Variants in NGEF observed in about 807,000 individuals in gnomAD.
NGEF encodes the protein neuronal guanine nucleotide exchange factor.
Under a neutral mutation model 80.9 loss-of-function variants are expected in NGEF, and 31 were observed. That is an observed-to-expected ratio of 0.38 (90% confidence interval 0.29 to 0.52). The LOEUF (loss-of-function observed/expected upper bound fraction) is 0.52, where lower values mean the gene tolerates loss of function less well. NGEF is among the 20% of genes least tolerant of loss of function. NGEF has a pLI of 0.84. For synonymous variants in NGEF, 371 were observed against 370.2 expected (o/e 1.00, Z -0.03); for missense variants, 709 against 926.2 (o/e 0.77, Z 3.04).
At chr2:232,947,239 C>T (rs1207907734) in intron 3 of NGEF, among the ~76,000 whole-genome samples, 1 of 152,188 alleles carries the variant, frequency 6.6e-6, no homozygotes, top group African/African-American at 2.4e-5. Context: ...GACATGAATG[C>T]CTTTAGATGG....
chr2:232,916,970 G>A (rs945865376), intron 5 of NGEF, among the ~76,000 whole-genome samples: 1 of 152,218 alleles, frequency 6.6e-6, no homozygotes, highest in Non-Finnish European at 1.5e-5. Context: ...TCCACCAGGC[G>A]CTCAGGGCAG....
At position 232,879,503 on chromosome 2, in the gene NGEF, G is replaced by T. The variant is rs145959108; in HGVS notation, c.2119C>A (p.Arg707=). 3 of 1,603,986 alleles carry T rather than the reference G, an allele frequency of 1.9e-6. No homozygotes were observed. Among genetic ancestry groups the T allele is most frequent in the Non-Finnish European group, 1.7e-6 (2 of 1,172,924 alleles). ...QNKDRRKLGS[R]NRQ is the part of the protein sequence containing the mutation. The stretch of plus-strand genomic sequence containing the variant: ...CTGGGTGGGGGTCATTGCCGATTCC[G>T]GCTGCCCAGCTTCCTGCGGTCCTTG... Residue 707 remains arginine, a synonymous_variant, in exon 15 of 15, where the codon CGG becomes AGG. Transcript: ENST00000264051.
At chr2:232,913,306 G>A (rs1039967497) in intron 5 of NGEF, among the ~76,000 whole-genome samples, 1 of 152,230 alleles carries the variant, frequency 6.6e-6, no homozygotes, top group South Asian at 2.1e-4. Flanking sequence ...TGTTATCTTT[G>A]TTACCGATTT....
intron 3 of NGEF, among the ~76,000 whole-genome samples, chr2:232,943,952 G>A (rs188736611): frequency 2.6e-5 from 4 of 151,798 alleles, no homozygotes; most frequent in African/African-American, 9.7e-5. Flanking sequence ...ACAAGTGCAG[G>A]CCGGGCGCGG....
At chr2:232,968,093 C>CTTTTTTTTTTTTTTTTT (rs1274944227) in intron 3 of NGEF, among the ~76,000 whole-genome samples, 6,637 of 123,396 alleles carry the variant, frequency 0.054, 539 homozygotes, top group Non-Finnish European at 0.065. Flanking sequence ...ACAGACCTGG[C>CTTTTTTTTTTTTTTTTT]TTTTTTTTTT....
chr2:232,975,514 G>A (rs999963994), intron 1 of NGEF, among the ~76,000 whole-genome samples: 1 of 152,100 alleles, frequency 6.6e-6, no homozygotes, highest in Non-Finnish European at 1.5e-5. Context: ...GGAAGAATAA[G>A]GTCCCCCCAT....
At chr2:232,940,987 G>A (rs544823872) in intron 3 of NGEF, among the ~76,000 whole-genome samples, 7 of 149,826 alleles carry the variant, frequency 4.7e-5, no homozygotes, top group Admixed American at 2.0e-4. Flanking sequence ...GCAGAGCTGG[G>A]CTGGCTGTGC....
chr2:232,930,237 C>T (rs1693190892), intron 3 of NGEF, among the ~76,000 whole-genome samples: 1 of 152,024 alleles, frequency 6.6e-6, no homozygotes, highest in Non-Finnish European at 1.5e-5. Context: ...TGGTAAGGCC[C>T]TCCTCTGTGT....
At chr2:232,908,285 T>C (rs1185128550) in intron 5 of NGEF, among the ~76,000 whole-genome samples, 1 of 152,200 alleles carries the variant, frequency 6.6e-6, no homozygotes, top group Admixed American at 6.5e-5. Context: ...TGTCTGATTA[T>C]TTTGCAAGAT....
chr2:232,902,453 C>T (rs1055746259), intron 5 of NGEF, among the ~76,000 whole-genome samples: 3 of 152,164 alleles, frequency 2.0e-5, no homozygotes, highest in Non-Finnish European at 2.9e-5. Flanking sequence ...TGACAGCTAA[C>T]CCCTTGGGTT....
At chr2:232,997,046 C>A (rs573933306) in intron 1 of NGEF, among the ~76,000 whole-genome samples, 1 of 152,160 alleles carries the variant, frequency 6.6e-6, no homozygotes, top group Admixed American at 6.6e-5. Context: ...TTGTGCCTGG[C>A]GTCCTTCCTC....
intron 3 of NGEF, among the ~76,000 whole-genome samples, chr2:232,956,000 C>T (rs572397490): frequency 2.6e-5 from 4 of 152,308 alleles, no homozygotes; most frequent in South Asian, 2.1e-4. Context: ...CTGTATTGTA[C>T]ATATCCTTCC....
At chr2:232,991,248 A>G (rs1324117847) in intron 1 of NGEF, among the ~76,000 whole-genome samples, 4 of 152,168 alleles carry the variant, frequency 2.6e-5, no homozygotes, top group African/African-American at 7.2e-5. Context: ...AGCCAAGAGA[A>G]AAAAATGTCA....
intron 3 of NGEF, among the ~76,000 whole-genome samples, chr2:232,934,678 C>T (rs1208464182): frequency 1.3e-5 from 2 of 152,020 alleles, no homozygotes; most frequent in African/African-American, 4.8e-5. Flanking sequence ...AATATTTATA[C>T]CTGACTAGCA....
At chr2:232,926,891 T>C (rs1693081567) in intron 4 of NGEF, among the ~76,000 whole-genome samples, 153 bp downstream of exon 4, 1 of 152,166 alleles carries the variant, frequency 6.6e-6, no homozygotes, top group Non-Finnish European at 1.5e-5. Context: ...TGCGGAACCA[T>C]TTAGAGCCAA....
chr2:232,996,110 G>A (rs2106339915), intron 1 of NGEF, among the ~76,000 whole-genome samples: 1 of 152,022 alleles, frequency 6.6e-6, no homozygotes, highest in East Asian at 1.9e-4. Flanking sequence ...ACTCCATTCA[G>A]GTATAAAAAC....
rs941330177 is a variant in NGEF at position 233,000,800 on chromosome 2, G to A, written c.-75+12268C>T. On this transcript the variant is annotated intron_variant, in intron 1 of 14. Transcript: ENST00000264051. ...CGAAAAAACCTAAATGCCTCCCAGA[G>A]GTCCCATCTCCAATACCATCATCAC... is the stretch of plus-strand genomic sequence containing the variant. Among the ~76,000 whole-genome samples the A allele has an allele frequency of 8.9e-4, 135 of 151,844 alleles. 1 individual carries two copies. Among genetic ancestry groups the A allele is most frequent in the African/African-American group, 3.1e-3 (127 of 41,440 alleles).
intron 9 of NGEF, 88 bp from the exon 10 acceptor site, chr2:232,885,457 A>G: frequency 1.9e-6 from 2 of 1,073,002 alleles, no homozygotes; most frequent in Non-Finnish European, 1.4e-6. Context: ...GACAGGGCTG[A>G]GTGACCACCG....
At chr2:232,904,585 T>G (rs933392202) in intron 5 of NGEF, among the ~76,000 whole-genome samples, 3 of 152,174 alleles carry the variant, frequency 2.0e-5, no homozygotes, top group African/African-American at 7.2e-5. Context: ...ATTGTTGGGT[T>G]CTCAAACAGT....
Sources: allele counts gnomAD v4.1 joint callset (sites outside exome capture counted in the v4.1 genomes callset), GRCh38; gene constraint gnomAD v4.1.1; transcripts MANE v1.5; gene names NCBI Gene and HGNC (gene_info 2026-07-23, HGNC 2026-07-21).